Variants in UNC5A observed in about 807,000 individuals in gnomAD.
UNC5A encodes netrin receptor UNC5A.
Under a neutral mutation model 87.4 loss-of-function variants are expected in UNC5A, and 20 were observed. The observed-to-expected ratio is 0.23, with a 90% confidence interval of 0.16 to 0.33. The LOEUF is 0.33. Ranked by LOEUF, UNC5A falls within the 10% of genes least tolerant of loss-of-function variation. The pLI is 1.00. For synonymous variants in UNC5A, 438 were observed against 482.3 expected (o/e 0.91, Z 1.20); for missense variants, 844 against 1,133.4 (o/e 0.74, Z 3.67).
At position 176,877,184 on chromosome 5, in the gene UNC5A, C is replaced by T. The variant is rs573447345; in HGVS notation, c.1379-8C>T. ...GGGTAAGCCCTGGCCCTCTTCCTGC[C>T]GTTCCAGGAATCAGCCTCCTCATCC... On this transcript the variant is annotated splice_region_variant and splice_polypyrimidine_tract_variant and intron_variant, in intron 8 of 14. Coordinates refer to ENST00000329542, the MANE Select transcript of UNC5A (RefSeq NM_133369.3). 13 of 1,606,586 alleles carry T rather than the reference C, an allele frequency of 8.1e-6. No individual in the cohort carries two copies. Among genetic ancestry groups the T allele is most frequent in the East Asian group, 4.5e-5 (2 of 44,854 alleles).
chr5:176,871,798 A>G (rs1430238393), intron 6 of UNC5A, among the ~76,000 whole-genome samples: 1 of 58,930 alleles, frequency 1.7e-5, no homozygotes, highest in Non-Finnish European at 4.2e-5. Context: ...ATCTGCCCAC[A>G]CTCACCAACA....
In UNC5A at chr5:176,828,048, C is replaced by T. The variant is rs567549177; in HGVS notation, c.70+17228C>T. ...TCTCGGACCCTGTGGACCCTGTTTC[C>T]CTCTGCAAGCCCCCTTTTGTCCTCC... On this transcript the variant is annotated intron_variant, in intron 1 of 14. Transcript: ENST00000329542. Among the ~76,000 whole-genome samples the T allele has an allele frequency of 2.0e-4, 31 of 152,182 alleles. No individual in the cohort carries two copies. In the South Asian group the frequency reaches 6.4e-3, roughly 32 times the overall value.
At chr5:176,819,373 AAAAGGAAAAC>A (rs140822092) in intron 1 of UNC5A, among the ~76,000 whole-genome samples, 3,073 of 152,282 alleles carry the variant, frequency 0.02, 95 homozygotes, top group African/African-American at 0.069. Flanking sequence ...TTAAGGAAAA[AAAAGGAAAAC>A]GAAGAAGAAG....
intron 8 of UNC5A, among the ~76,000 whole-genome samples, chr5:176,876,458 G>A (rs996162744): frequency 2.6e-5 from 4 of 152,174 alleles, no homozygotes; most frequent in Admixed American, 2.0e-4. Flanking sequence ...CTGTCTGGGG[G>A]AGTCCCTGCT....
At chr5:176,813,260 A>C (rs1326491051) in intron 1 of UNC5A, among the ~76,000 whole-genome samples, 2 of 152,222 alleles carry the variant, frequency 1.3e-5, no homozygotes, top group Non-Finnish European at 2.9e-5. Flanking sequence ...AGTCTTGAGC[A>C]GGAGGGACTT....
Position 176,865,704 on chromosome 5 carries a change from C to T in UNC5A, c.293-2426C>T, listed in dbSNP as rs779795955. 17 of 456,418 alleles carry T rather than the reference C, an allele frequency of 3.7e-5. No individual in the cohort carries two copies. The East Asian group carries it at 6.9e-4, about 19-fold the overall frequency. The allele number at this position is 456,418 out of a possible 1,614,324, so 28.3% of individuals were successfully genotyped here. ...AAGACCAAAGACCCCAAACCAGAAA[C>T]GTTCTGTGGTCAGACAGGTATGGCA... On this transcript the variant is annotated intron_variant, in intron 2 of 14. Coordinates refer to ENST00000329542, the MANE Select transcript of UNC5A (RefSeq NM_133369.3). This position sits in a 1 kb window ranked among gnomAD's most constrained non-coding sequence, Gnocchi z 5.3.
At chr5:176,832,160 G>A (rs949515878) in intron 1 of UNC5A, among the ~76,000 whole-genome samples, 1 of 152,180 alleles carries the variant, frequency 6.6e-6, no homozygotes, top group African/African-American at 2.4e-5. Context: ...GCCTCCCAAA[G>A]TGCTGGGATT....
At chr5:176,852,648 C>T (rs1227878587) in intron 1 of UNC5A, among the ~76,000 whole-genome samples, 4 of 152,234 alleles carry the variant, frequency 2.6e-5, no homozygotes, top group East Asian at 1.9e-4. Context: ...TGGCCTGAGG[C>T]GAGGCCCCTC....
At chr5:176,822,209 C>G (rs529077103) in intron 1 of UNC5A, among the ~76,000 whole-genome samples, 1 of 152,254 alleles carries the variant, frequency 6.6e-6, no homozygotes, top group Non-Finnish European at 1.5e-5. Context: ...TCTGCAGGTG[C>G]GAGCTGTGTG....
At chr5:176,827,613 T>G (rs935803260) in intron 1 of UNC5A, among the ~76,000 whole-genome samples, 3 of 152,226 alleles carry the variant, frequency 2.0e-5, no homozygotes, top group African/African-American at 7.2e-5. Context: ...TTTGAACATT[T>G]GGGTACAAGT....
chr5:176,873,798 G>A (rs1429931841), intron 6 of UNC5A, among the ~76,000 whole-genome samples, 170 bp from the exon 7 acceptor site: 5 of 152,180 alleles, frequency 3.3e-5, no homozygotes, highest in Admixed American at 3.3e-4. Context: ...CAAATACAGG[G>A]CTGGGATGCA....
rs374829056 is a variant in UNC5A, at chr5:176,824,569, GAGAA to G, written c.70+13753_70+13756del. Reference sequence around the variant, plus strand: ...GATAGAACATTCTAAAAAAAAAAGAGAGAAAGAGAGAGAATTCACATAAAAATCC... The same window carrying G: ...GATAGAACATTCTAAAAAAAAAAGAGAGAGAGAGAATTCACATAAAAATCC... On this transcript the variant is annotated intron_variant, in intron 1 of 14. Transcript: ENST00000329542. This position sits in a 1 kb window ranked among gnomAD's most constrained non-coding sequence, Gnocchi z 4.2. Among the ~76,000 whole-genome samples the G allele has an allele frequency of 3.7e-4, 57 of 152,146 alleles. No individual in the cohort carries two copies. Among genetic ancestry groups the G allele is most frequent in the African/African-American group, 1.3e-3 (54 of 41,496 alleles).
intron 1 of UNC5A, among the ~76,000 whole-genome samples, chr5:176,815,917 A>C (rs1756575922): frequency 1.3e-5 from 2 of 152,176 alleles, no homozygotes; most frequent in South Asian, 4.1e-4. Context: ...TCTGAAGATG[A>C]AGATTTGGGC....
intron 1 of UNC5A, among the ~76,000 whole-genome samples, chr5:176,845,636 G>T (rs913473948): frequency 1.3e-5 from 2 of 152,212 alleles, no homozygotes; most frequent in Non-Finnish European, 2.9e-5. Flanking sequence ...GCCAGGCCCT[G>T]GTCCAGGTGG....
At position 176,869,866 on chromosome 5, in the gene UNC5A, C is replaced by A; in HGVS notation, c.722-504C>A. On this transcript the variant is annotated intron_variant, in intron 5 of 14. Transcript: ENST00000329542. The surrounding 1 kb of genome is among the most constrained non-coding windows in gnomAD (Gnocchi z 9.1). ...CCATCGCGCCCACCAGCCTGCCCCC[C>A]CATGGCTCCATCCCACCCACCCGCC... The A allele has an allele frequency of 1.7e-6, 1 of 578,348 alleles. No homozygotes were observed. The highest frequency in any genetic ancestry group is 3.1e-6 in the Non-Finnish European group (1 of 322,856). The allele number at this position is 578,348 out of a possible 1,614,324, so 35.8% of individuals were successfully genotyped here. A position where few individuals can be genotyped will look rare whatever the true frequency, so the allele number is the denominator to read the frequency against.
rs1757955312 is a variant in UNC5A at position 176,865,584 on chromosome 5, C to T, written c.293-2546C>T. On this transcript the variant is annotated intron_variant, in intron 2 of 14. Transcript: ENST00000329542. The surrounding 1 kb of genome is among the most constrained non-coding windows in gnomAD (Gnocchi z 5.3). ...ACATCTGAACGTTCATTGATCTCAT[C>T]GATTTCTCAACCCAAAGCCATCGAG... 3 of 456,814 alleles carry T rather than the reference C, an allele frequency of 6.6e-6. No individual in the cohort carries two copies. The highest frequency in any genetic ancestry group is 1.3e-5 in the Non-Finnish European group (3 of 227,038). 28.3% of individuals were successfully genotyped at this position (456,814 alleles called of 1,614,324 possible). A position where few individuals can be genotyped will look rare whatever the true frequency, so the allele number is the denominator to read the frequency against.
chr5:176,877,287 C>T lies in UNC5A; in HGVS notation c.1466+8C>T, dbSNP rs371136842. 9 of 1,609,856 alleles carry T rather than the reference C, an allele frequency of 5.6e-6. No individual in the cohort carries two copies. Among genetic ancestry groups the T allele is most frequent in the East Asian group, 2.2e-5 (1 of 44,860 alleles). On this transcript the variant is annotated splice_region_variant and intron_variant, in intron 9 of 14. Coordinates refer to ENST00000329542, the MANE Select transcript of UNC5A (RefSeq NM_133369.3). ...CAAGCCGGAAGACGTGAGGTGTGGC[C>T]GCGGGCCCTGTTGCCGGGGGTGGGA...
chr5:176,840,006 G>A (rs559644378), intron 1 of UNC5A, among the ~76,000 whole-genome samples: 13 of 151,786 alleles, frequency 8.6e-5, no homozygotes, highest in African/African-American at 2.7e-4. Context: ...AGGTGCGCAC[G>A]CCACCACGCC....
intron 1 of UNC5A, among the ~76,000 whole-genome samples, chr5:176,817,345 G>A (rs1756614842): frequency 6.6e-6 from 1 of 152,108 alleles, no homozygotes; most frequent in African/African-American, 2.4e-5. Context: ...CTTGGGGAGG[G>A]AGGTCCGGAC....
Sources: gnomAD v4.1 joint callset for allele counts (sites outside exome capture counted in the v4.1 genomes callset) on GRCh38, gnomAD v4.1.1 for gene constraint, Gnocchi (gnomAD v3.1) non-coding constraint, MANE v1.5 for transcripts, NCBI Gene and HGNC (gene_info 2026-07-23, HGNC 2026-07-21) for gene names.